EXOC2: variants seen among roughly 807,000 people sequenced by gnomAD.
EXOC2 encodes the protein SEC5-like 1.
In EXOC2, 70 loss-of-function variants were observed where a neutral mutation model predicts 131.8. The ratio of observed to expected loss-of-function variants is 0.53; its 90% CI spans 0.44 to 0.65. The LOEUF (loss-of-function observed/expected upper bound fraction) is 0.65, where lower values mean the gene tolerates loss of function less well. Among genes scored for constraint, EXOC2 ranks in the 30% least tolerant of loss-of-function variants. The pLI is 0.00. For synonymous variants in EXOC2, 411 were observed against 398.4 expected, an observed-to-expected ratio of 1.03 and a Z score of -0.38; for missense variants, 923 against 1,108.6, an observed-to-expected ratio of 0.83 and a Z score of 2.38.
At chr6:584,838 A>G (rs553379668) in intron 11 of EXOC2, among the ~76,000 whole-genome samples, 3 of 152,380 alleles carry the variant, frequency 2.0e-5, no homozygotes, top group Non-Finnish European at 2.9e-5. Flanking sequence ...CACTTTCTCT[A>G]TGAGTAGCCT....
At chr6:488,163 T>G (rs1763195192) in intron 27 of EXOC2, among the ~76,000 whole-genome samples, 1 of 152,188 alleles carries the variant, frequency 6.6e-6, no homozygotes, top group South Asian at 2.1e-4. Flanking sequence ...AGGGCTGGTC[T>G]GCTGCCTGCT....
chr6:564,761 C>A (rs1757882920), intron 14 of EXOC2, 59 bp from the exon 15 acceptor site: 1 of 1,572,944 alleles, frequency 6.4e-7, no homozygotes, highest in East Asian at 2.2e-5. Context: ...GTTACATTAA[C>A]TAAAAGATGC....
At chr6:576,640 C>T (rs1317554219) in intron 12 of EXOC2, 117 bp downstream of exon 12, 1 of 1,180,192 alleles carries the variant, frequency 8.5e-7, no homozygotes, top group Non-Finnish European at 1.2e-6. Flanking sequence ...GCGATGATGG[C>T]TGATAATACT....
At chr6:681,603 T>C (rs181151925) in intron 1 of EXOC2, among the ~76,000 whole-genome samples, 3 of 152,330 alleles carry the variant, frequency 2.0e-5, no homozygotes, top group East Asian at 1.9e-4. Flanking sequence ...CTATAAAAAC[T>C]AGGCCAAAAC....
intron 1 of EXOC2, among the ~76,000 whole-genome samples, chr6:682,487 A>G (rs1037088484): frequency 6.6e-6 from 1 of 152,100 alleles, no homozygotes; most frequent in African/African-American, 2.4e-5. Context: ...GGTGTGAGCC[A>G]CCGCGCCCGG....
intron 22 of EXOC2, among the ~76,000 whole-genome samples, chr6:534,734 C>A (rs1380602948): frequency 6.6e-6 from 1 of 152,230 alleles, no homozygotes. Flanking sequence ...AAATCAAACA[C>A]ATCAGAACGA....
Position 617,739 on chromosome 6 carries a change from T to A in EXOC2, c.633A>T (p.Thr211=), listed in dbSNP as rs768695166. Reference sequence around the variant, plus strand: ...AGAGGGCATCCTGTGCTTCGAAGAATGTACTGAGACCGCCTTTCACATAGG... The same window carrying A: ...AGAGGGCATCCTGTGCTTCGAAGAAAGTACTGAGACCGCCTTTCACATAGG... ...SLAYVKGGLS[T]FFEAQDALSA... Residue 211 remains threonine, a synonymous_variant, in exon 6 of 28, where the codon ACA becomes ACT. Coordinates refer to ENST00000230449, the MANE Select transcript of EXOC2 (RefSeq NM_018303.6). 1.2e-6 allele frequency: 2 copies of A among 1,613,340 alleles called. No homozygotes were observed. Among genetic ancestry groups the A allele is most frequent in the Admixed American group, 3.3e-5 (2 of 59,924 alleles).
intron 23 of EXOC2, among the ~76,000 whole-genome samples, chr6:515,312 T>G (rs911000398): frequency 6.6e-6 from 1 of 152,212 alleles, no homozygotes; most frequent in African/African-American, 2.4e-5. Flanking sequence ...AATGTGGGCA[T>G]TGAAGGTAAA....
intron 25 of EXOC2, among the ~76,000 whole-genome samples, chr6:494,272 C>G (rs926442522): frequency 6.6e-6 from 1 of 152,142 alleles, no homozygotes; most frequent in African/African-American, 2.4e-5. Context: ...GAAAAAATTT[C>G]AAATGTATGG....
intron 22 of EXOC2, among the ~76,000 whole-genome samples, chr6:539,101 T>C (rs1262548146): frequency 6.6e-6 from 1 of 151,466 alleles, no homozygotes; most frequent in African/African-American, 2.4e-5. Flanking sequence ...ATATCATAAG[T>C]AGAAAATGCG....
intron 7 of EXOC2, among the ~76,000 whole-genome samples, chr6:599,711 A>G (rs888246020): frequency 6.6e-6 from 1 of 152,236 alleles, no homozygotes; most frequent in Non-Finnish European, 1.5e-5. Flanking sequence ...AACAAATTCT[A>G]TTCCTTGGCA....
rs781253542 is a variant in EXOC2, at chr6:486,679, T to C, written c.2767A>G (p.Lys923Glu). 2.5e-6 allele frequency: 4 copies of C among 1,613,994 alleles called. No homozygotes were observed. The South Asian group carries it at 4.4e-5, about 18-fold the overall frequency. Residue 923 changes from lysine to glutamate, a missense_variant, in exon 28 of 28, where the codon AAA becomes GAA. Lys to Glu is a moderately conservative substitution (Grantham distance 56). Transcript: ENST00000230449. Reference sequence around the variant, plus strand: ...TTTTATGTGGCAGATATTTATGTTTTCATCATGGTTGAAGAAGCTGCTTGG... The same window carrying C: ...TTTTATGTGGCAGATATTTATGTTTCCATCATGGTTGAAGAAGCTGCTTGG... ...CFQAASSTMM[K>E]T
chr6:656,384 G>A, intron 1 of EXOC2: 1 of 1,614,210 alleles, frequency 6.2e-7, no homozygotes. Flanking sequence ...GGGTCATCCT[G>A]CCACTGAGGT....
chr6:556,741 T>C (rs951240782), intron 17 of EXOC2, among the ~76,000 whole-genome samples, 177 bp from the exon 18 acceptor site: 1 of 152,234 alleles, frequency 6.6e-6, no homozygotes, highest in African/African-American at 2.4e-5. Flanking sequence ...GGCATATGTT[T>C]TGTACTTCGT....
chr6:615,287 A>T (rs1171765140), intron 6 of EXOC2, among the ~76,000 whole-genome samples: 2 of 151,782 alleles, frequency 1.3e-5, no homozygotes, highest in Non-Finnish European at 2.9e-5. Context: ...CTACTGATCC[A>T]CTGCAGTGTC....
chr6:564,487 T>C (rs1197219702), intron 15 of EXOC2, 58 bp downstream of exon 15: 2 of 1,601,082 alleles, frequency 1.2e-6, no homozygotes, highest in Non-Finnish European at 1.7e-6. Flanking sequence ...ATTAATTCTT[T>C]CCAAAAAGTT....
chr6:538,426 G>A (rs1374889122), intron 22 of EXOC2, among the ~76,000 whole-genome samples: 1 of 152,176 alleles, frequency 6.6e-6, no homozygotes, highest in Non-Finnish European at 1.5e-5. Context: ...TGAGAGTGAG[G>A]AAGAAAGATT....
intron 1 of EXOC2, among the ~76,000 whole-genome samples, chr6:640,870 T>C (rs1762321353): frequency 1.4e-5 from 2 of 140,492 alleles, no homozygotes; most frequent in Non-Finnish European, 3.1e-5. Context: ...CCTACCAAAC[T>C]ACTAACAGCA....
intron 1 of EXOC2, among the ~76,000 whole-genome samples, chr6:676,174 G>T (rs71545200): frequency 2.1e-3 from 80 of 37,354 alleles, no homozygotes; most frequent in Middle Eastern, 0.022. Context: ...GAAAGGACAG[G>T]TTCCTCTGGA....
Sources: allele counts gnomAD v4.1 joint callset (sites outside exome capture counted in the v4.1 genomes callset), GRCh38; gene constraint gnomAD v4.1.1; transcripts MANE v1.5; gene names NCBI Gene and HGNC (gene_info 2026-07-23, HGNC 2026-07-21).